Variants in INPP5D observed in about 807,000 individuals in gnomAD.
INPP5D encodes the protein inositol polyphosphate-5-phosphatase D.
A neutral mutation model predicts 122.9 loss-of-function variants in INPP5D; 33 were observed. The ratio of observed to expected loss-of-function variants is 0.27; its 90% CI spans 0.20 to 0.36. INPP5D has a LOEUF of 0.36. INPP5D is among the 10% of genes least tolerant of loss of function. The pLI is 1.00. For missense variants in INPP5D, 1,053 were observed against 1,412.7 expected (o/e 0.75, Z 4.08); for synonymous variants, 584 against 576.2 (o/e 1.01, Z -0.19).
At chr2:233,118,126 C>T (rs1311953442) in intron 2 of INPP5D, among the ~76,000 whole-genome samples, 1 of 152,212 alleles carries the variant, frequency 6.6e-6, no homozygotes, top group African/African-American at 2.4e-5. Flanking sequence ...CCTACTCCTG[C>T]TGGCCTGTGG....
At chr2:233,145,902 G>A (rs760112944) in intron 6 of INPP5D, 142 of 640,844 alleles carry the variant, frequency 2.2e-4, no homozygotes, top group Non-Finnish European at 3.5e-4. Flanking sequence ...TTTAAGCAAC[G>A]GAGTGGGTGA....
chr2:233,181,483 C>T (rs560700742), intron 18 of INPP5D, among the ~76,000 whole-genome samples: 1 of 152,218 alleles, frequency 6.6e-6, no homozygotes, highest in African/African-American at 2.4e-5. Flanking sequence ...CTGCTTCCAC[C>T]TAATCCTAAG....
At chr2:233,132,746 G>A (rs1039078757) in intron 5 of INPP5D, among the ~76,000 whole-genome samples, 17 of 152,126 alleles carry the variant, frequency 1.1e-4, no homozygotes, top group African/African-American at 4.1e-4. Flanking sequence ...ATGTATTGGA[G>A]GCCTCCTCTG....
At chr2:233,095,814 T>C (rs1479524909) in intron 2 of INPP5D, among the ~76,000 whole-genome samples, 1 of 152,190 alleles carries the variant, frequency 6.6e-6, no homozygotes, top group Non-Finnish European at 1.5e-5. Flanking sequence ...CTCCTATTGG[T>C]AACCCTAATG....
chr2:233,194,527 T>A (rs1695134193), intron 23 of INPP5D, among the ~76,000 whole-genome samples: 1 of 138,410 alleles, frequency 7.2e-6, no homozygotes, highest in Admixed American at 7.7e-5. Flanking sequence ...GGACAGAGTC[T>A]CACTCTGTGG....
At chr2:233,182,082 C>G (rs1694800099) in intron 18 of INPP5D, among the ~76,000 whole-genome samples, 1 of 152,188 alleles carries the variant, frequency 6.6e-6, no homozygotes, top group South Asian at 2.1e-4. Context: ...GGCAACAGAA[C>G]AAGATTCTGT....
In INPP5D at chr2:233,139,527, G is replaced by A. The variant is rs1474205977; in HGVS notation, c.666-315G>A. On this transcript the variant is annotated intron_variant, in intron 5 of 26. Coordinates refer to ENST00000445964, the MANE Select transcript of INPP5D (RefSeq NM_001017915.3). ...GTGTTTTATAAACACAGAAGGTTGG[G>A]AACCATGGATAACTAAGTGAAGTCA... Among the ~76,000 whole-genome samples the A allele has an allele frequency of 2.0e-5, 3 of 150,742 alleles. No individual in the cohort carries two copies. The East Asian group carries it at 5.9e-4, about 29-fold the overall frequency.
intron 1 of INPP5D, among the ~76,000 whole-genome samples, chr2:233,075,780 T>G (rs982542838): frequency 4.8e-4 from 73 of 151,950 alleles, no homozygotes; most frequent in African/African-American, 1.7e-3. Context: ...GTGTGTGGGG[T>G]GGTGCTGTAT....
At chr2:233,066,707 A>G (rs903446792) in intron 1 of INPP5D, among the ~76,000 whole-genome samples, 2 of 152,004 alleles carry the variant, frequency 1.3e-5, no homozygotes, top group African/African-American at 2.4e-5. Context: ...CCCGGGTTGA[A>G]GTGATTCTCC....
rs190661393 is a variant in INPP5D, at chr2:233,128,680, G to T, written c.525-1828G>T. Among the ~76,000 whole-genome samples the T allele has an allele frequency of 5.1e-3, 769 of 152,246 alleles. 5 individuals carry two copies. The highest frequency in any genetic ancestry group is 8.4e-3 in the Non-Finnish European group (574 of 68,008). ...TTTAGTAGAGACAGGGTTTCACCAT[G>T]TTGGCCAGGCTGGCCTTGAACTCCT... On this transcript the variant is annotated intron_variant, in intron 4 of 26. Coordinates refer to ENST00000445964, the MANE Select transcript of INPP5D (RefSeq NM_001017915.3). The surrounding 1 kb of genome is among the most constrained non-coding windows in gnomAD (Gnocchi z 4.5).
chr2:233,146,625 C>T (rs1405916071), intron 8 of INPP5D, among the ~76,000 whole-genome samples, 187 bp downstream of exon 8: 2 of 152,198 alleles, frequency 1.3e-5, no homozygotes, highest in Admixed American at 6.5e-5. Flanking sequence ...AACGGGCACC[C>T]AGAGACAACT....
chr2:233,129,169 A>AAAAT (rs755463530), intron 4 of INPP5D, among the ~76,000 whole-genome samples: 43 of 152,150 alleles, frequency 2.8e-4, no homozygotes, highest in East Asian at 5.8e-4. Context: ...CTGTCTCAAA[A>AAAAT]AAATAAATAA....
In INPP5D at chr2:233,164,909, TA is replaced by T. The variant is rs34443033; in HGVS notation, c.1555+486del. The stretch of plus-strand genomic sequence containing the variant: ...AGAAAGCGAATGGGAGTGACTGTGT[TA>T]CCAGTGAGACCTTCCTTACAAGCAC... On this transcript the variant is annotated intron_variant, in intron 13 of 26. Coordinates refer to ENST00000445964, the MANE Select transcript of INPP5D (RefSeq NM_001017915.3). This position sits in a 1 kb window ranked among gnomAD's most constrained non-coding sequence, Gnocchi z 4.3. 0.23 allele frequency among the ~76,000 whole-genome samples: 35,396 copies of T among 152,078 alleles called. 4,327 individuals are homozygous for T. The highest frequency in any genetic ancestry group is 0.42 in the East Asian group (2,156 of 5,156).
At chr2:233,163,620 C>T (rs1694249645) in intron 11 of INPP5D, 87 bp from the exon 12 acceptor site, 2 of 1,594,006 alleles carry the variant, frequency 1.3e-6, no homozygotes, top group African/African-American at 2.7e-5. Flanking sequence ...TGACCTCCCT[C>T]ACACTCCCGC....
chr2:233,124,900 G>C (rs767883179), intron 3 of INPP5D, among the ~76,000 whole-genome samples: 1 of 152,260 alleles, frequency 6.6e-6, no homozygotes, highest in Non-Finnish European at 1.5e-5. Flanking sequence ...TTTGGGCCCA[G>C]GGCCTCTTGA....
At chr2:233,158,830 G>C (rs1163210796) in intron 10 of INPP5D, among the ~76,000 whole-genome samples, 1 of 152,174 alleles carries the variant, frequency 6.6e-6, no homozygotes, top group African/African-American at 2.4e-5. Flanking sequence ...ATCTAGGCTA[G>C]TGCAGTGGCG....
intron 9 of INPP5D, among the ~76,000 whole-genome samples, chr2:233,157,749 A>AT (rs36156693): frequency 4.4e-4 from 63 of 141,754 alleles, no homozygotes; most frequent in Non-Finnish European, 4.9e-4. Flanking sequence ...TAATCTAAGC[A>AT]TTTTTTTTTT....
At chr2:233,066,126 C>A (rs1399337122) in intron 1 of INPP5D, among the ~76,000 whole-genome samples, 1 of 151,990 alleles carries the variant, frequency 6.6e-6, no homozygotes, top group Non-Finnish European at 1.5e-5. Flanking sequence ...CCTGGCTAAT[C>A]TTTTTTATGT....
At chr2:233,143,263 G>A (rs902436534) in intron 6 of INPP5D, among the ~76,000 whole-genome samples, 59 of 152,238 alleles carry the variant, frequency 3.9e-4, no homozygotes, top group African/African-American at 1.3e-3. Context: ...AAGCACGAAC[G>A]CCCTGTTTGT....
Sources: allele counts gnomAD v4.1 joint callset (sites outside exome capture counted in the v4.1 genomes callset), GRCh38; gene constraint gnomAD v4.1.1; non-coding constraint Gnocchi (gnomAD v3.1); transcripts MANE v1.5; gene names NCBI Gene and HGNC (gene_info 2026-07-23, HGNC 2026-07-21).